PLA2G4A: variants seen among roughly 807,000 people sequenced by gnomAD.
PLA2G4A encodes phospholipase A2 group IVA.
A neutral mutation model predicts 81.9 loss-of-function variants in PLA2G4A; 40 were observed. The ratio of observed to expected loss-of-function variants is 0.49; its 90% CI spans 0.38 to 0.64. The LOEUF (loss-of-function observed/expected upper bound fraction) is 0.64, where lower values mean the gene tolerates loss of function less well. PLA2G4A is among the 30% of genes least tolerant of loss of function. The pLI, the probability that PLA2G4A is intolerant of heterozygous loss-of-function variation, is 0.00. For missense variants in PLA2G4A, 715 were observed against 905.1 expected, an observed-to-expected ratio of 0.79 and a Z score of 2.69; for synonymous variants, 302 against 296.9, an observed-to-expected ratio of 1.02 and a Z score of -0.18.
intron 7 of PLA2G4A, among the ~76,000 whole-genome samples, chr1:186,921,183 G>T (rs915888448): frequency 3.3e-5 from 5 of 152,022 alleles, no homozygotes; most frequent in African/African-American, 1.2e-4. Flanking sequence ...GGTCCCATTG[G>T]GGGTCTGTTC....
At chr1:186,958,774 A>T (rs1336009825) in intron 14 of PLA2G4A, among the ~76,000 whole-genome samples, 1 of 149,556 alleles carries the variant, frequency 6.7e-6, no homozygotes, top group Non-Finnish European at 1.5e-5. Flanking sequence ...TGTAGTTTTC[A>T]CAGCACGAGG....
intron 3 of PLA2G4A, among the ~76,000 whole-genome samples, chr1:186,891,467 T>A (rs1284590573): frequency 6.6e-6 from 1 of 152,124 alleles, no homozygotes. Context: ...CTACTACCCT[T>A]CCCAGCCTCT....
chr1:186,914,786 G>A (rs1655080853), intron 7 of PLA2G4A, among the ~76,000 whole-genome samples: 1 of 152,034 alleles, frequency 6.6e-6, no homozygotes. Context: ...TCTTTCTTTG[G>A]AGGTAGAAAT....
At chr1:186,918,660 G>A (rs1451057768) in intron 7 of PLA2G4A, among the ~76,000 whole-genome samples, 1 of 152,216 alleles carries the variant, frequency 6.6e-6, no homozygotes, top group Non-Finnish European at 1.5e-5. Flanking sequence ...GGTCAGGTCT[G>A]CTAGAATAGA....
intron 17 of PLA2G4A, among the ~76,000 whole-genome samples, chr1:186,987,809 A>G (rs1287853056): frequency 6.6e-6 from 1 of 152,194 alleles, no homozygotes; most frequent in Non-Finnish European, 1.5e-5. Context: ...GGATATATGT[A>G]TGCTGAATAA....
intron 13 of PLA2G4A, among the ~76,000 whole-genome samples, chr1:186,955,451 T>C (rs1191721809): frequency 6.6e-6 from 1 of 152,068 alleles, no homozygotes; most frequent in Non-Finnish European, 1.5e-5. Flanking sequence ...AAGTTATATG[T>C]GTGCATGCAA....
At chr1:186,900,743 T>C (rs925749121) in intron 5 of PLA2G4A, among the ~76,000 whole-genome samples, 3 of 152,208 alleles carry the variant, frequency 2.0e-5, no homozygotes, top group Admixed American at 6.6e-5. Context: ...GATAAGATTA[T>C]GCTTCTTTAT....
chr1:186,949,682 C>A lies in PLA2G4A; in HGVS notation c.1265-975C>A, dbSNP rs189636569. 7.3e-4 allele frequency among the ~76,000 whole-genome samples: 111 copies of A among 152,084 alleles called. 1 individual carries two copies. The highest frequency in any genetic ancestry group is 3.4e-3 in the Middle Eastern group (1 of 294). On this transcript the variant is annotated intron_variant, in intron 12 of 17. Coordinates refer to ENST00000367466, the MANE Select transcript of PLA2G4A (RefSeq NM_024420.3). ...ATCCATTGCCTTAAGCATTTATTAA[C>A]CCTTCCATTACTAACTCTTGCTCAT... is the stretch of plus-strand genomic sequence containing the variant.
intron 15 of PLA2G4A, among the ~76,000 whole-genome samples, chr1:186,966,089 C>T (rs1657117666): frequency 7.1e-6 from 1 of 140,000 alleles, no homozygotes; most frequent in Non-Finnish European, 1.5e-5. Context: ...AGAAATCAGA[C>T]CAGAGTGGTT....
intron 14 of PLA2G4A, 98 bp from the exon 15 acceptor site, chr1:186,965,311 A>G (rs762320162): frequency 3.3e-6 from 3 of 898,192 alleles, no homozygotes; most frequent in Middle Eastern, 3.2e-4. Context: ...GGGCCTAATC[A>G]TATGAAATTC....
At chr1:186,949,307 AAG>A (rs945662305) in intron 12 of PLA2G4A, among the ~76,000 whole-genome samples, 8 of 150,072 alleles carry the variant, frequency 5.3e-5, no homozygotes, top group Middle Eastern at 3.4e-3. Context: ...AAAAGAAAGA[AAG>A]AGAAAGAAGG....
At chr1:186,970,205 G>C (rs374906130) in intron 15 of PLA2G4A, among the ~76,000 whole-genome samples, 2 of 152,110 alleles carry the variant, frequency 1.3e-5, no homozygotes, top group South Asian at 4.1e-4. Flanking sequence ...GCATTTGTAT[G>C]TCTTCTTTTG....
intron 17 of PLA2G4A, among the ~76,000 whole-genome samples, chr1:186,982,682 T>TGC (rs1344334634): frequency 2.0e-5 from 3 of 150,700 alleles, no homozygotes; most frequent in African/African-American, 7.4e-5. Context: ...TGTGTGTGTG[T>TGC]GCGTGTGTGT....
intron 6 of PLA2G4A, among the ~76,000 whole-genome samples, chr1:186,908,481 A>G (rs1040120657): frequency 2.0e-5 from 3 of 151,964 alleles, no homozygotes; most frequent in African/African-American, 7.2e-5. Flanking sequence ...ACTCACTGGT[A>G]AAATAAGAAA....
intron 14 of PLA2G4A, among the ~76,000 whole-genome samples, chr1:186,964,556 A>G (rs945031143): frequency 2.0e-5 from 3 of 151,896 alleles, no homozygotes; most frequent in African/African-American, 7.3e-5. Context: ...CCACCCTCCC[A>G]ATCTTTAGGT....
At chr1:186,973,648 C>A (rs1017439344) in intron 15 of PLA2G4A, among the ~76,000 whole-genome samples, 1 of 152,076 alleles carries the variant, frequency 6.6e-6, no homozygotes, top group East Asian at 1.9e-4. Context: ...TGGTAACATC[C>A]CTGTGAATAA....
At chr1:186,963,540 C>T (rs1657030380) in intron 14 of PLA2G4A, among the ~76,000 whole-genome samples, 1 of 152,162 alleles carries the variant, frequency 6.6e-6, no homozygotes, top group Non-Finnish European at 1.5e-5. Context: ...ATTACCTTAT[C>T]GTTGTCTTTA....
intron 1 of PLA2G4A, among the ~76,000 whole-genome samples, chr1:186,850,939 T>C (rs1387750191): frequency 1.3e-5 from 2 of 152,108 alleles, no homozygotes; most frequent in Non-Finnish European, 2.9e-5. Flanking sequence ...CTACAGATAG[T>C]ACATCTTTCA....
chr1:186,953,428 T>C (rs1320700742), intron 13 of PLA2G4A, among the ~76,000 whole-genome samples: 1 of 152,230 alleles, frequency 6.6e-6, no homozygotes, highest in Non-Finnish European at 1.5e-5. Flanking sequence ...TTCTTATTAT[T>C]GAATTTAAAG....
Sources: allele counts gnomAD v4.1 joint callset (sites outside exome capture counted in the v4.1 genomes callset), GRCh38; gene constraint gnomAD v4.1.1; transcripts MANE v1.5; gene names NCBI Gene and HGNC (gene_info 2026-07-23, HGNC 2026-07-21).